SPRED2: variants seen among roughly 807,000 people sequenced by gnomAD.
SPRED2 encodes sprouty-related, EVH1 domain-containing protein 2.
A neutral mutation model predicts 43.0 loss-of-function variants in SPRED2; 47 were observed. That is an observed-to-expected ratio of 1.09 (90% CI 0.87 to 1.40). The LOEUF is 1.40. Among genes scored for constraint, SPRED2 ranks in the 40% most tolerant of loss-of-function variants. The probability of loss-of-function intolerance (pLI) is 0.00; values close to 1 mark genes in which losing one functional copy is unlikely to be tolerated. For synonymous variants in SPRED2, 225 were observed against 225.7 expected, an observed-to-expected ratio of 1.00 and a Z score of 0.03; for missense variants, 561 against 586.4, an observed-to-expected ratio of 0.96 and a Z score of 0.45.
chr2:65,391,885 T>C (rs1374764402), intron 1 of SPRED2, among the ~76,000 whole-genome samples: 5 of 152,240 alleles, frequency 3.3e-5, no homozygotes, highest in Non-Finnish European at 7.3e-5. Context: ...TGCTATTATG[T>C]TTTCATTGCA....
chr2:65,384,139 C>T (rs1675437998), intron 1 of SPRED2, among the ~76,000 whole-genome samples: 1 of 152,006 alleles, frequency 6.6e-6, no homozygotes, highest in Non-Finnish European at 1.5e-5. Context: ...CCGCTCTCGG[C>T]CTCCTTCCCA....
At chr2:65,356,458 C>T (rs1455801452) in intron 1 of SPRED2, among the ~76,000 whole-genome samples, 1 of 146,162 alleles carries the variant, frequency 6.8e-6, no homozygotes, top group Non-Finnish European at 1.5e-5. Context: ...ACTAAATCTA[C>T]AAGATGCTGA....
intron 4 of SPRED2, among the ~76,000 whole-genome samples, chr2:65,320,807 G>GA (rs1159543159): frequency 8.6e-5 from 13 of 152,046 alleles, no homozygotes; most frequent in Admixed American, 3.9e-4. Context: ...AGGCAAAGGG[G>GA]AAAAAAAATC....
chr2:65,350,975 A>G (rs1435431259), intron 1 of SPRED2, among the ~76,000 whole-genome samples: 1 of 152,182 alleles, frequency 6.6e-6, no homozygotes, highest in East Asian at 1.9e-4. Context: ...TAGGGGATCT[A>G]CCCTGCTGGC....
At chr2:65,384,723 A>G (rs1047487621) in intron 1 of SPRED2, among the ~76,000 whole-genome samples, 3 of 152,166 alleles carry the variant, frequency 2.0e-5, no homozygotes, top group Non-Finnish European at 4.4e-5. Flanking sequence ...GAAGACTTCA[A>G]GACAAGAAGA....
chr2:65,341,188 C>T (rs1265151621), intron 2 of SPRED2, among the ~76,000 whole-genome samples: 4 of 151,208 alleles, frequency 2.6e-5, no homozygotes, highest in Non-Finnish European at 5.9e-5. Context: ...CCACTCAGTA[C>T]AGAAATCCAG....
chr2:65,380,197 C>T (rs1361739503), intron 1 of SPRED2, among the ~76,000 whole-genome samples: 1 of 152,202 alleles, frequency 6.6e-6, no homozygotes, highest in African/African-American at 2.4e-5. Context: ...ATGCAGAGAA[C>T]CTTCTCTGTT....
In SPRED2 at chr2:65,316,896, AG is replaced by A. The variant is rs909775398; in HGVS notation, c.439-14del. 2 of 1,603,142 alleles carry A rather than the reference AG, an allele frequency of 1.2e-6. No homozygotes were observed. The highest frequency in any genetic ancestry group is 1.4e-5 in the African/African-American group (1 of 71,744). On this transcript the variant is annotated splice_polypyrimidine_tract_variant and intron_variant, in intron 4 of 5. Transcript: ENST00000356388. ...TGTCTGTAGCTGTCTGTGTAGAGGG[AG>A]GTAACCAAGAGTCAATTTAAAAACA...
intron 1 of SPRED2, among the ~76,000 whole-genome samples, chr2:65,378,825 A>G (rs1675306355): frequency 6.6e-6 from 1 of 152,240 alleles, no homozygotes; most frequent in African/African-American, 2.4e-5. Flanking sequence ...TGTTTGGGGT[A>G]CAGCCTGAAT....
chr2:65,310,824 G>A (rs1673047965), downstream of SPRED2: 2 of 970,386 alleles, frequency 2.1e-6, no homozygotes, highest in South Asian at 4.8e-5. Flanking sequence ...CTCGTCTCCT[G>A]CCAGACAAAT....
intron 1 of SPRED2, among the ~76,000 whole-genome samples, chr2:65,395,133 T>C (rs1281316875): frequency 3.3e-5 from 5 of 152,172 alleles, no homozygotes; most frequent in Non-Finnish European, 7.4e-5. Context: ...CTGACCCCTG[T>C]CATTCCACTG....
Position 65,313,302 on chromosome 2 carries a change from C to T in SPRED2, c.*199G>A. On this transcript the variant is annotated 3_prime_UTR_variant, in exon 6 of 6. Transcript: ENST00000356388. ...CGTGTGTGTATGGATGTGGCTGCTG[C>T]AGTGTGGGCGGCAGGGGGAGTGGAG... 7.0e-7 allele frequency: 1 copy of T among 1,427,162 alleles called. No homozygotes were observed. The highest frequency in any genetic ancestry group is 9.1e-7 in the Non-Finnish European group (1 of 1,096,460). The allele number at this position is 1,427,162 out of a possible 1,614,324, so 88.4% of individuals were successfully genotyped here.
rs776742383 is a variant in SPRED2, at chr2:65,334,582, G to T, written c.373+23C>A. On this transcript the variant is annotated intron_variant, in intron 3 of 5. Transcript: ENST00000356388. ...TGGAACATTTCCATAGTCCCACTAAGAATGCAGCGACAAGTTCAATACCTT... is the reference window on the plus strand; with the variant it reads ...TGGAACATTTCCATAGTCCCACTAATAATGCAGCGACAAGTTCAATACCTT... 3 of 1,610,490 alleles carry T rather than the reference G, an allele frequency of 1.9e-6. No homozygotes were observed. The African/African-American group carries it at 4.0e-5, about 21-fold the overall frequency.
chr2:65,400,593 C>A (rs1236218365), intron 1 of SPRED2, among the ~76,000 whole-genome samples: 2 of 152,176 alleles, frequency 1.3e-5, no homozygotes, highest in Admixed American at 1.3e-4. Flanking sequence ...TCTAGGCCGA[C>A]TGTGCTCAGG....
At position 65,376,319 on chromosome 2, in the gene SPRED2, G is replaced by A. The variant is rs532557509; in HGVS notation, c.27-31423C>T. Reference sequence around the variant, plus strand: ...ACAGGGCACGGCATTCCATGGGTCCGTTTCAGAGCAGATTCTGGACTGTTT... The same window carrying A: ...ACAGGGCACGGCATTCCATGGGTCCATTTCAGAGCAGATTCTGGACTGTTT... On this transcript the variant is annotated intron_variant, in intron 1 of 5. Transcript: ENST00000356388. 5.3e-5 allele frequency among the ~76,000 whole-genome samples: 8 copies of A among 152,286 alleles called. No individual in the cohort carries two copies. In the South Asian group the frequency reaches 1.0e-3, roughly 20 times the overall value.
intron 4 of SPRED2, among the ~76,000 whole-genome samples, chr2:65,327,380 A>T (rs1043945290): frequency 6.6e-6 from 1 of 152,198 alleles, no homozygotes; most frequent in Non-Finnish European, 1.5e-5. Context: ...AGCAAGACAC[A>T]AGTGGCAGGG....
At chr2:65,378,111 A>C (rs1354420759) in intron 1 of SPRED2, 1 of 181,450 alleles carries the variant, frequency 5.5e-6, no homozygotes, top group Non-Finnish European at 1.2e-5. Flanking sequence ...TCTTTTCAGA[A>C]GTGCATATGC....
rs1474606108 is a variant in SPRED2, at chr2:65,346,350, AAT to A, written c.27-1456_27-1455del. Among the ~76,000 whole-genome samples, 3 of 152,012 alleles carry A rather than the reference AAT, an allele frequency of 2.0e-5. No homozygotes were observed. The East Asian group carries it at 5.8e-4, about 29-fold the overall frequency. ...TTCATTTTTTTTTTCATTGCGGTAA[AAT>A]ATGAATGGCATAAAATTTCCCGCTT... On this transcript the variant is annotated intron_variant, in intron 1 of 5. Coordinates refer to ENST00000356388, the MANE Select transcript of SPRED2 (RefSeq NM_181784.3).
chr2:65,396,054 C>A (rs1233743399), intron 1 of SPRED2, among the ~76,000 whole-genome samples: 5 of 152,158 alleles, frequency 3.3e-5, no homozygotes, highest in Admixed American at 2.6e-4. Flanking sequence ...TGAGCCTTCT[C>A]GGGCAAGTTA....
Sources: allele counts gnomAD v4.1 joint callset (sites outside exome capture counted in the v4.1 genomes callset), GRCh38; gene constraint gnomAD v4.1.1; transcripts MANE v1.5; gene names NCBI Gene and HGNC (gene_info 2026-07-23, HGNC 2026-07-21).